The following CACNA2D3 variants were observed in gnomAD, a reference collection of about 807,000 sequenced individuals.
CACNA2D3 encodes calcium voltage-gated channel auxiliary subunit alpha2delta 3.
Under a neutral mutation model 160.6 loss-of-function variants are expected in CACNA2D3, and 60 were observed. That is an observed-to-expected ratio of 0.37 (90% CI 0.30 to 0.46). The LOEUF (loss-of-function observed/expected upper bound fraction) is 0.46. CACNA2D3 is among the 20% of genes least tolerant of loss of function. The pLI is 1.00. For synonymous variants in CACNA2D3, 558 were observed against 492.9 expected, an observed-to-expected ratio of 1.13 and a Z score of -1.75; for missense variants, 1,205 against 1,365.0, an observed-to-expected ratio of 0.88 and a Z score of 1.85.
intron 2 of CACNA2D3, among the ~76,000 whole-genome samples, chr3:54,231,056 T>G (rs971714479): frequency 1.1e-4 from 17 of 152,072 alleles, no homozygotes; most frequent in Non-Finnish European, 2.1e-4. Flanking sequence ...AGGCTGTGGT[T>G]TACAAAAAAT....
intron 5 of CACNA2D3, among the ~76,000 whole-genome samples, chr3:54,521,852 G>A (rs550762119): frequency 6.6e-6 from 1 of 152,280 alleles, no homozygotes; most frequent in African/African-American, 2.4e-5. Context: ...TGATTCCCTT[G>A]TAGAAAATCA....
intron 4 of CACNA2D3, among the ~76,000 whole-genome samples, chr3:54,411,512 G>A (rs1699667625): frequency 6.6e-6 from 1 of 152,092 alleles, no homozygotes; most frequent in South Asian, 2.1e-4. Flanking sequence ...CTCACTAAAG[G>A]CTCAGATGAT....
intron 27 of CACNA2D3, chr3:54,925,260 G>T: frequency 1.3e-6 from 2 of 1,500,912 alleles, no homozygotes; most frequent in Non-Finnish European, 9.2e-7. Flanking sequence ...AGTTTGTGAG[G>T]TGTGGTATCA....
chr3:54,556,454 C>T (rs1248547249), intron 5 of CACNA2D3, among the ~76,000 whole-genome samples: 1 of 152,172 alleles, frequency 6.6e-6, no homozygotes, highest in Non-Finnish European at 1.5e-5. Flanking sequence ...CTCTTAGAAC[C>T]TCCAGAAGGA....
At position 54,123,522 on chromosome 3, in the gene CACNA2D3, C is replaced by T; in HGVS notation, c.132C>T (p.Leu44=). 1 of 1,613,706 alleles carries T rather than the reference C, an allele frequency of 6.2e-7. No individual in the cohort carries two copies. Among genetic ancestry groups the T allele is most frequent in the Non-Finnish European group, 8.5e-7 (1 of 1,179,696 alleles). ...EQQIPLSVVK[L]WASAFGGEIK... is the part of the protein sequence containing the mutation. The stretch of plus-strand genomic sequence containing the variant: ...CCCCTTCTCCCTGTAGGGTGAAGCT[C>T]TGGGCCTCGGCTTTTGGTGGGGAGA... Residue 44 remains leucine, a synonymous_variant, in exon 2 of 38, where the codon CTC becomes CTT. Coordinates refer to ENST00000474759, the MANE Select transcript of CACNA2D3 (RefSeq NM_018398.3).
chr3:54,843,918 A>T (rs963097854), intron 16 of CACNA2D3, among the ~76,000 whole-genome samples: 1 of 152,158 alleles, frequency 6.6e-6, no homozygotes, highest in Non-Finnish European at 1.5e-5. Flanking sequence ...CTCCACTGTG[A>T]CTGGGTGAGT....
In CACNA2D3 at chr3:54,123,533, C is replaced by T; in HGVS notation, c.143C>T (p.Ala48Val). ...PLSVVKLWASAFGGEIKSIAA... is the reference protein window; with the variant it reads ...PLSVVKLWASVFGGEIKSIAA... ...TGTAGGGTGAAGCTCTGGGCCTCGG[C>T]TTTTGGTGGGGAGATAAAATCCATT... Residue 48 changes from alanine (A) to valine (V), a missense_variant, in exon 2 of 38, where the codon GCT (alanine) becomes GTT (valine). This residue lies in a region of CACNA2D3 where 163 missense variants were observed against 161.3 expected (regional missense o/e 1.01). Transcript: ENST00000474759. The T allele has an allele frequency of 1.2e-6, 2 of 1,613,876 alleles. No homozygotes were observed. Among genetic ancestry groups the T allele is most frequent in the Non-Finnish European group, 1.7e-6 (2 of 1,179,822 alleles).
At chr3:54,659,775 T>G (rs531261294) in intron 11 of CACNA2D3, among the ~76,000 whole-genome samples, 1 of 152,286 alleles carries the variant, frequency 6.6e-6, no homozygotes, top group South Asian at 2.1e-4. Flanking sequence ...TTGCTGTCAT[T>G]TATCTCTGCG....
intron 2 of CACNA2D3, among the ~76,000 whole-genome samples, chr3:54,153,746 A>T (rs1173922299): frequency 1.3e-5 from 2 of 152,208 alleles, no homozygotes; most frequent in Non-Finnish European, 2.9e-5. Context: ...TGGGCATTGC[A>T]CTGGTATTTT....
chr3:54,151,274 GATGA>G (rs1302073658), intron 2 of CACNA2D3, among the ~76,000 whole-genome samples: 1 of 151,958 alleles, frequency 6.6e-6, no homozygotes. Flanking sequence ...TGGGTGAATA[GATGA>G]ATGAATGGAT....
At chr3:54,334,231 C>T (rs1704327066) in intron 3 of CACNA2D3, among the ~76,000 whole-genome samples, 2 of 151,318 alleles carry the variant, frequency 1.3e-5, no homozygotes, top group Admixed American at 6.6e-5. Context: ...GGATTACAGG[C>T]GCTCGCCACG....
chr3:54,915,469 T>C (rs1700641857), intron 27 of CACNA2D3, among the ~76,000 whole-genome samples: 1 of 152,214 alleles, frequency 6.6e-6, no homozygotes, highest in African/African-American at 2.4e-5. Context: ...TCAGCAAGGC[T>C]TCTATGACAG....
At chr3:54,805,640 C>T (rs1453414153) in intron 13 of CACNA2D3, among the ~76,000 whole-genome samples, 2 of 152,182 alleles carry the variant, frequency 1.3e-5, no homozygotes, top group African/African-American at 4.8e-5. Context: ...GGAATTGGTA[C>T]CATTCCTTCT....
intron 9 of CACNA2D3, chr3:54,626,739 G>C: frequency 5.9e-6 from 4 of 679,548 alleles, no homozygotes. Context: ...TCGGAATGCA[G>C]TGACTGGAAA....
intron 2 of CACNA2D3, among the ~76,000 whole-genome samples, chr3:54,298,808 T>C (rs1703400536): frequency 1.1e-5 from 1 of 89,590 alleles, no homozygotes; most frequent in Non-Finnish European, 2.7e-5. Context: ...GCCAGGTGGC[T>C]CCAGAAGGCA....
chr3:54,444,428 C>T (rs138470612), intron 4 of CACNA2D3, among the ~76,000 whole-genome samples: 95 of 152,280 alleles, frequency 6.2e-4, no homozygotes, highest in African/African-American at 2.2e-3. Context: ...GTTTAAGTTG[C>T]CATAATCAGT....
At chr3:54,727,297 A>G (rs1701295805) in intron 11 of CACNA2D3, among the ~76,000 whole-genome samples, 1 of 152,234 alleles carries the variant, frequency 6.6e-6, no homozygotes, top group Non-Finnish European at 1.5e-5. Context: ...GAACGCTCTT[A>G]CACTGTTGGT....
At chr3:54,715,156 T>C (rs1199461470) in intron 11 of CACNA2D3, among the ~76,000 whole-genome samples, 1 of 152,220 alleles carries the variant, frequency 6.6e-6, no homozygotes, top group Non-Finnish European at 1.5e-5. Flanking sequence ...CAGCTGTGAA[T>C]TGGGGGGTTC....
Position 54,871,769 on chromosome 3 carries a change from C to A in CACNA2D3, c.1710+147C>A, listed in dbSNP as rs1699541082. On this transcript the variant is annotated intron_variant, in intron 18 of 37. Transcript: ENST00000474759. Reference sequence around the variant, plus strand: ...ACGTGGAGACAAGGGGCCTTTGTACCATGTGTGGAGTTTTATAACTCTTCA... The same window carrying A: ...ACGTGGAGACAAGGGGCCTTTGTACAATGTGTGGAGTTTTATAACTCTTCA... The A allele has an allele frequency of 6.4e-6, 4 of 620,464 alleles. No homozygotes were observed. The Admixed American group carries it at 9.8e-5, about 15-fold the overall frequency. 38.4% of individuals were successfully genotyped at this position (620,464 alleles called of 1,614,324 possible).
Sources: gnomAD v4.1 joint callset for allele counts (sites outside exome capture counted in the v4.1 genomes callset) on GRCh38, gnomAD v4.1.1 for gene constraint, gnomAD v4.1.1 regional missense constraint, MANE v1.5 for transcripts, NCBI Gene and HGNC (gene_info 2026-07-23, HGNC 2026-07-21) for gene names.